The following ZNF581 variants were observed in gnomAD, a reference collection of about 807,000 sequenced individuals.
ZNF581 encodes the protein zinc finger protein 581.
In ZNF581, 1 loss-of-function variant was observed where a neutral mutation model predicts 1.2. That is an observed-to-expected ratio of 0.83 (90% CI 0.30 to 3.95). The LOEUF (loss-of-function observed/expected upper bound fraction) is 3.95. Ranked by LOEUF, ZNF581 falls within the 30% of genes most tolerant of loss-of-function variation. The pLI, the probability that ZNF581 is intolerant of heterozygous loss-of-function variation, is 0.18. For missense variants in ZNF581, 273 were observed against 274.6 expected (o/e 0.99, Z 0.04); for synonymous variants, 105 against 109.2 (o/e 0.96, Z 0.24).
chr19:55,636,632 T>C (rs1035068894), upstream of ZNF581, among the ~76,000 whole-genome samples: 3 of 150,898 alleles, frequency 2.0e-5, no homozygotes, highest in Non-Finnish European at 4.4e-5. Context: ...CCTTGGAGAG[T>C]GGGGAAGGCA....
At chr19:55,637,409 C>T (rs887867920), upstream of ZNF581, among the ~76,000 whole-genome samples, 8 of 152,054 alleles carry the variant, frequency 5.3e-5, no homozygotes, top group Non-Finnish European at 7.4e-5. Context: ...TGGTGGTGCG[C>T]GCCTGTAATC....
At chr19:55,641,784 G>A (rs1982505477), upstream of ZNF581, 1 of 152,778 alleles carries the variant, frequency 6.5e-6, no homozygotes, top group African/African-American at 2.4e-5. Flanking sequence ...GAGCCATTTT[G>A]GGGTGTATAG....
chr19:55,640,952 G>C (rs1982420802), upstream of ZNF581: 1 of 985,254 alleles, frequency 1.0e-6, no homozygotes, highest in South Asian at 4.7e-5. Flanking sequence ...TGGGAGCGCC[G>C]GCTCCAGGCG....
chr19:55,642,766 C>G, upstream of ZNF581: 1 of 1,544,708 alleles, frequency 6.5e-7, no homozygotes, highest in Non-Finnish European at 8.7e-7. Context: ...CAGGAGAGCC[C>G]GGCCCTCGCA....
upstream of ZNF581, chr19:55,643,103 A>C (rs893266523): frequency 1.5e-6 from 2 of 1,318,170 alleles, no homozygotes; most frequent in South Asian, 2.3e-5. Flanking sequence ...ACTCACTCCC[A>C]CACACACCCC....
upstream of ZNF581, chr19:55,640,550 G>A (rs1480756534): frequency 2.0e-6 from 2 of 985,356 alleles, no homozygotes; most frequent in Admixed American, 1.2e-4. Context: ...CCAACTATCT[G>A]GCAGCGTCTG....
At position 55,644,517 on chromosome 19, in the gene ZNF581, C is replaced by G; in HGVS notation, c.-19-36C>G. 1 of 1,371,358 alleles carries G rather than the reference C, an allele frequency of 7.3e-7. No homozygotes were observed. Among genetic ancestry groups the G allele is most frequent in the Non-Finnish European group, 9.8e-7 (1 of 1,015,558 alleles). The allele number at this position is 1,371,358 out of a possible 1,614,324, so 84.9% of individuals were successfully genotyped here. Reference sequence around the variant, plus strand: ...GCCTGTGGTGCTGAGCTGCCCTCTTCTATATAACCTTCTTATCCCATCTCC... The same window carrying G: ...GCCTGTGGTGCTGAGCTGCCCTCTTGTATATAACCTTCTTATCCCATCTCC... On this transcript the variant is annotated intron_variant, in intron 1 of 1. Coordinates refer to ENST00000270451, the MANE Select transcript of ZNF581 (RefSeq NM_016535.4). The surrounding 1 kb of genome is among the most constrained non-coding windows in gnomAD (Gnocchi z 4.3).
chr19:55,642,525 C>G, upstream of ZNF581: 1 of 1,439,936 alleles, frequency 6.9e-7, no homozygotes. Flanking sequence ...CTGCTGCCGC[C>G]GCGGCCACCC....
chr19:55,638,501 T>A (rs1982231394), upstream of ZNF581, among the ~76,000 whole-genome samples: 1 of 152,062 alleles, frequency 6.6e-6, no homozygotes. Context: ...TCCCAAAGTG[T>A]TGGGATTACA....
chr19:55,636,073 A>G (rs1246334442), upstream of ZNF581, among the ~76,000 whole-genome samples: 1 of 152,194 alleles, frequency 6.6e-6, no homozygotes, highest in Non-Finnish European at 1.5e-5. Flanking sequence ...CCACCTCACA[A>G]AGGGCCTCAA....
chr19:55,641,024 A>AACCCCTCGC (rs1172257926), upstream of ZNF581: 1 of 985,056 alleles, frequency 1.0e-6, no homozygotes. Context: ...GGACTCCGCC[A>AACCCCTCGC]ACCCCTCGCA....
upstream of ZNF581, chr19:55,642,842 G>A: frequency 2.5e-6 from 4 of 1,575,224 alleles, no homozygotes; most frequent in Admixed American, 1.7e-5. Flanking sequence ...GAGCCACCGC[G>A]TGTCGCACTC....
chr19:55,637,181 G>C (rs536377296), upstream of ZNF581, among the ~76,000 whole-genome samples: 1 of 152,180 alleles, frequency 6.6e-6, no homozygotes, highest in Admixed American at 6.5e-5. Flanking sequence ...CAGAGGGGAA[G>C]GTTTTAAGTC....
upstream of ZNF581, chr19:55,640,564 T>C: frequency 1.0e-6 from 1 of 985,476 alleles, no homozygotes; most frequent in Non-Finnish European, 1.2e-6. Context: ...GCGTCTGGCC[T>C]TCTCCGGGCC....
chr19:55,640,799 G>A, upstream of ZNF581: 1 of 985,514 alleles, frequency 1.0e-6, no homozygotes, highest in Non-Finnish European at 1.2e-6. Flanking sequence ...CTTAGTCTCG[G>A]TTTATTGGCC....
In ZNF581 at chr19:55,644,988, G is replaced by A. The variant is rs147370328; in HGVS notation, c.417G>A (p.Ala139=). 3.5e-5 allele frequency: 56 copies of A among 1,604,882 alleles called. No homozygotes were observed. The highest frequency in any genetic ancestry group is 1.1e-4 in the East Asian group (5 of 44,592). Residue 139 remains alanine, a synonymous_variant, in exon 2 of 2, where the codon GCG becomes GCA. Transcript: ENST00000270451. The surrounding 1 kb of genome is among the most constrained non-coding windows in gnomAD (Gnocchi z 4.3). ...CACGGCACCATTCCATTCACCTGGC[G>A]GGTGGTGGGCGGCCCCACGGCTGCC... is the stretch of plus-strand genomic sequence containing the variant. ...HLARHHSIHL[A]GGGRPHGCPL... is the part of the protein sequence containing the mutation.
At chr19:55,642,533 C>T (rs766166065), upstream of ZNF581, 22 of 1,441,018 alleles carry the variant, frequency 1.5e-5, no homozygotes, top group African/African-American at 3.0e-5. Flanking sequence ...GCCGCGGCCA[C>T]CCCACCCTCG....
upstream of ZNF581, chr19:55,640,100 ACTC>A (rs1982355910): frequency 8.1e-6 from 8 of 983,674 alleles, no homozygotes; most frequent in Non-Finnish European, 9.7e-6. Context: ...TGTGACAGTT[ACTC>A]CTCTTCTGTC....
chr19:55,639,207 G>C (rs1443194463), upstream of ZNF581, among the ~76,000 whole-genome samples: 1 of 151,990 alleles, frequency 6.6e-6, no homozygotes, highest in Non-Finnish European at 1.5e-5. Context: ...GTTGGGGGAG[G>C]GTGCTACTGC....
Sources: gnomAD v4.1 joint callset for allele counts (sites outside exome capture counted in the v4.1 genomes callset) on GRCh38, gnomAD v4.1.1 for gene constraint, Gnocchi (gnomAD v3.1) non-coding constraint, MANE v1.5 for transcripts, NCBI Gene and HGNC (gene_info 2026-07-23, HGNC 2026-07-21) for gene names.